UNC13A: variants seen among roughly 807,000 people sequenced by gnomAD.
The protein encoded by UNC13A is protein unc-13 homolog A.
A neutral mutation model predicts 219.7 loss-of-function variants in UNC13A; 61 were observed. The ratio of observed to expected loss-of-function variants is 0.28; its 90% CI spans 0.23 to 0.34. The LOEUF (loss-of-function observed/expected upper bound fraction) is 0.34, where lower values mean the gene tolerates loss of function less well. Among genes scored for constraint, UNC13A ranks in the 10% least tolerant of loss-of-function variants. The probability of loss-of-function intolerance (pLI) is 1.00; values close to 1 mark genes in which losing one functional copy is unlikely to be tolerated. For missense variants in UNC13A, 1,476 were observed against 2,270.3 expected (o/e 0.65, Z 7.11); for synonymous variants, 920 against 884.6 (o/e 1.04, Z -0.71).
At chr19:17,658,309 G>T in intron 8 of UNC13A, 40 bp from the exon 9 acceptor site, 1 of 1,572,870 alleles carries the variant, frequency 6.4e-7, no homozygotes, top group South Asian at 1.1e-5. Context: ...GTGAGGAAGA[G>T]AGAGTGCACA....
rs930381781 is a variant in UNC13A at position 17,646,301 on chromosome 19, C to T, written c.2045-190G>A. Among the ~76,000 whole-genome samples, 4 of 131,846 alleles carry T rather than the reference C, an allele frequency of 3.0e-5. No homozygotes were observed. In the East Asian group the frequency reaches 7.8e-4, roughly 26 times the overall value. 86.5% of individuals were successfully genotyped at this position (131,846 alleles called of 152,430 possible). On this transcript the variant is annotated intron_variant, in intron 17 of 43. Coordinates refer to ENST00000519716, the MANE Select transcript of UNC13A (RefSeq NM_001080421.3). ...TTTGTTTGTTTGTTTGTTTTTGAGA[C>T]AGAGTTTTGCTCGTCACCCAGGCTG...
chr19:17,605,801 G>T lies in UNC13A; in HGVS notation c.*253C>A, dbSNP rs2076518003. The T allele has an allele frequency of 2.3e-6, 1 of 435,154 alleles. No homozygotes were observed. The highest frequency in any genetic ancestry group is 4.5e-5 in the Admixed American group (1 of 21,992). 27.0% of individuals were successfully genotyped at this position (435,154 alleles called of 1,614,324 possible). On this transcript the variant is annotated 3_prime_UTR_variant, in exon 44 of 44. Transcript: ENST00000519716. ...TCAAAATGCCCCCTAGGTGCTGGGG[G>T]CGTGGCCTCAAGTTGGGGATGTGGC...
At chr19:17,637,707 A>G (rs2076927303) in intron 25 of UNC13A, among the ~76,000 whole-genome samples, 1 of 151,850 alleles carries the variant, frequency 6.6e-6, no homozygotes, top group African/African-American at 2.4e-5. Context: ...ACTCAATTCA[A>G]ATGAGAGTGA....
At chr19:17,610,320 G>A (rs1158331783) in intron 42 of UNC13A, among the ~76,000 whole-genome samples, 1 of 151,964 alleles carries the variant, frequency 6.6e-6, no homozygotes, top group Non-Finnish European at 1.5e-5. Flanking sequence ...ACAAAAATCA[G>A]CTGGGCGTGG....
Position 17,688,251 on chromosome 19 carries a change from C to G in UNC13A, c.-52G>C. On this transcript the variant is annotated 5_prime_UTR_variant, in exon 1 of 44. Transcript: ENST00000519716. ...GGCGGCCGGGCCGGCTCTGTCGGGT[C>G]GGGCTCAGCGGCCGCTGGGCTGGGG... 1 of 1,421,674 alleles carries G rather than the reference C, an allele frequency of 7.0e-7. No homozygotes were observed. Among genetic ancestry groups the G allele is most frequent in the Non-Finnish European group, 9.2e-7 (1 of 1,088,064 alleles). 88.1% of individuals were successfully genotyped at this position (1,421,674 alleles called of 1,614,324 possible).
intron 26 of UNC13A, among the ~76,000 whole-genome samples, chr19:17,635,735 A>G (rs1599359019): frequency 6.6e-6 from 1 of 152,198 alleles, no homozygotes; most frequent in African/African-American, 2.4e-5. Flanking sequence ...ATTAACCTAC[A>G]TACACATAAA....
intron 12 of UNC13A, 101 bp downstream of exon 12, chr19:17,652,530 G>T: frequency 6.8e-7 from 1 of 1,476,856 alleles, no homozygotes; most frequent in Non-Finnish European, 9.4e-7. Context: ...CTGTCTAAAT[G>T]GAACCCCTCC....
intron 7 of UNC13A, 102 bp from the exon 8 acceptor site, chr19:17,663,669 C>G (rs868249784): frequency 2.3e-6 from 3 of 1,288,960 alleles, no homozygotes; most frequent in Admixed American, 4.0e-5. Flanking sequence ...CTGCTCCCCC[C>G]ACCCCAAAAG....
At chr19:17,647,548 AC>A in intron 16 of UNC13A, 56 bp from the exon 17 acceptor site, 1 of 1,544,052 alleles carries the variant, frequency 6.5e-7, no homozygotes, top group Non-Finnish European at 8.8e-7. Context: ...GTGGCCCCTC[AC>A]CAAGGCGAGA....
rs573522272 is a variant in UNC13A at position 17,620,821 on chromosome 19, G to A, written c.4243-99C>T. The A allele has an allele frequency of 3.6e-6, 5 of 1,393,752 alleles. No individual in the cohort carries two copies. In the South Asian group the frequency reaches 4.9e-5, roughly 14 times the overall value. 86.3% of individuals were successfully genotyped at this position (1,393,752 alleles called of 1,614,324 possible). A position where few individuals can be genotyped will look rare whatever the true frequency, so the allele number is the denominator to read the frequency against. ...CCTCAAAGCACAGTCTCACTTCCCA[G>A]CCCAGGAGCTCCTCCCCAGGTCCTG... On this transcript the variant is annotated intron_variant, in intron 37 of 43. Transcript: ENST00000519716.
intron 26 of UNC13A, among the ~76,000 whole-genome samples, chr19:17,633,729 C>T (rs2076882106): frequency 6.6e-6 from 1 of 151,918 alleles, no homozygotes; most frequent in African/African-American, 2.4e-5. Flanking sequence ...ATCCATCTAT[C>T]TATTTATCCA....
Position 17,605,129 on chromosome 19 carries a change from C to A in UNC13A, c.*925G>T, listed in dbSNP as rs1016299965. On this transcript the variant is annotated 3_prime_UTR_variant, in exon 44 of 44. Coordinates refer to ENST00000519716, the MANE Select transcript of UNC13A (RefSeq NM_001080421.3). ...GGGGTCTTGGCCTGGAATTCCCACC[C>A]CTTGGAGGAGGCCGAGGGGGAATTA... 1 of 152,682 alleles carries A rather than the reference C, an allele frequency of 6.5e-6. No homozygotes were observed. Among genetic ancestry groups the A allele is most frequent in the African/African-American group, 2.4e-5 (1 of 41,436 alleles). The allele number at this position is 152,682 out of a possible 1,614,324, so 9.5% of individuals were successfully genotyped here.
intron 1 of UNC13A, among the ~76,000 whole-genome samples, chr19:17,686,009 C>T (rs1271015173): frequency 2.6e-5 from 4 of 151,710 alleles, no homozygotes; most frequent in Admixed American, 6.6e-5. Context: ...TCTCCCTCTC[C>T]CCACCCCTCC....
In UNC13A at chr19:17,659,386, T is replaced by G. The variant is rs28376833; in HGVS notation, c.560-1117A>C. 5.1e-3 allele frequency among the ~76,000 whole-genome samples: 784 copies of G among 152,260 alleles called. 8 individuals are homozygous for G. The highest frequency in any genetic ancestry group is 0.018 in the African/African-American group (760 of 41,536). On this transcript the variant is annotated intron_variant, in intron 8 of 43. Coordinates refer to ENST00000519716, the MANE Select transcript of UNC13A (RefSeq NM_001080421.3). ...GGAACCCAGGAGGTGGAGATTGCTGTGAGCCAAGATCACACCTCTGCACTC... is the reference window on the plus strand; with the variant it reads ...GGAACCCAGGAGGTGGAGATTGCTGGGAGCCAAGATCACACCTCTGCACTC...
intron 1 of UNC13A, among the ~76,000 whole-genome samples, chr19:17,684,846 CACT>C (rs1445953258): frequency 6.6e-6 from 1 of 152,164 alleles, no homozygotes; most frequent in Non-Finnish European, 1.5e-5. Flanking sequence ...AGTGGGGTGT[CACT>C]ACATCAGAGA....
chr19:17,654,937 T>C (rs16981898), intron 11 of UNC13A, among the ~76,000 whole-genome samples: 20,527 of 151,966 alleles, frequency 0.14, 1,486 homozygotes, highest in African/African-American at 0.18. Context: ...ACTTGGTGCA[T>C]GGTTTGGGAG....
At chr19:17,686,309 C>A (rs924712820) in intron 1 of UNC13A, among the ~76,000 whole-genome samples, 2 of 82,110 alleles carry the variant, frequency 2.4e-5, no homozygotes, top group South Asian at 3.9e-4. Flanking sequence ...CCCCCCCCCC[C>A]CCCCCCCCAC....
chr19:17,607,460 C>CGG (rs113739921), intron 43 of UNC13A, among the ~76,000 whole-genome samples: 1,618 of 39,966 alleles, frequency 0.04, 81 homozygotes, highest in African/African-American at 0.099. Context: ...ATGGGGGTGG[C>CGG]GGGGGGGGGG....
chr19:17,610,871 T>G (rs562820463), intron 42 of UNC13A, among the ~76,000 whole-genome samples: 10 of 152,124 alleles, frequency 6.6e-5, no homozygotes, highest in African/African-American at 2.2e-4. Flanking sequence ...TCTACAAAAA[T>G]ATAATTTAAA....
Sources: gnomAD v4.1 joint callset for allele counts (sites outside exome capture counted in the v4.1 genomes callset) on GRCh38, gnomAD v4.1.1 for gene constraint, MANE v1.5 for transcripts, NCBI Gene and HGNC (gene_info 2026-07-23, HGNC 2026-07-21) for gene names.